The following EPM2A variants were observed in gnomAD, a reference collection of about 807,000 sequenced individuals.
EPM2A encodes EPM2A glucan phosphatase, laforin, also known as laforin.
EPM2A carries 21 observed loss-of-function variants against 26.5 expected under a neutral mutation model. The observed-to-expected ratio is 0.79, with a 90% confidence interval of 0.56 to 1.14. The LOEUF is 1.14. Ranked by LOEUF, EPM2A falls within the 50% of genes most tolerant of loss-of-function variation. EPM2A has a pLI of 0.00. For synonymous variants in EPM2A, 217 were observed against 177.6 expected (o/e 1.22, Z -1.76); for missense variants, 458 against 440.8 (o/e 1.04, Z -0.35).
At chr6:145,456,358 A>G (rs4566900) in intron 4 of EPM2A, among the ~76,000 whole-genome samples, 1,656 of 152,328 alleles carry the variant, frequency 0.011, 22 homozygotes, top group African/African-American at 0.038. Context: ...GAATGAAAAG[A>G]CGTTTGCATG....
chr6:145,462,492 G>A (rs1016383724), intron 4 of EPM2A, among the ~76,000 whole-genome samples: 59 of 152,206 alleles, frequency 3.9e-4, no homozygotes, highest in Middle Eastern at 3.4e-3. Context: ...TTACTTATCC[G>A]TAAGCATTTT....
intron 4 of EPM2A, among the ~76,000 whole-genome samples, chr6:145,432,347 G>T (rs1449098166): frequency 6.6e-6 from 1 of 152,128 alleles, no homozygotes; most frequent in Non-Finnish European, 1.5e-5. Context: ...ATTTCTTAAA[G>T]AATATAACTT....
chr6:145,659,351 C>T (rs1290539023), intron 2 of EPM2A, among the ~76,000 whole-genome samples: 5 of 152,054 alleles, frequency 3.3e-5, no homozygotes, highest in African/African-American at 1.2e-4. Context: ...ATATAAAGCA[C>T]AATTTTGAGG....
chr6:145,587,287 A>G (rs571568552), intron 2 of EPM2A, among the ~76,000 whole-genome samples: 1 of 152,314 alleles, frequency 6.6e-6, no homozygotes, highest in East Asian at 1.9e-4. Flanking sequence ...AAGTAAACCA[A>G]AAACATGTTT....
chr6:145,616,980 G>A (rs769270564), intron 2 of EPM2A, among the ~76,000 whole-genome samples: 3 of 152,196 alleles, frequency 2.0e-5, no homozygotes, highest in Non-Finnish European at 4.4e-5. Context: ...GCTGAAATGA[G>A]TTGAGACTTT....
intron 1 of EPM2A, among the ~76,000 whole-genome samples, chr6:145,711,302 C>T (rs553310407): frequency 7.1e-4 from 108 of 152,162 alleles, no homozygotes; most frequent in African/African-American, 2.3e-3. Context: ...CTCATTATAC[C>T]GCAGGAGCTT....
intron 4 of EPM2A, among the ~76,000 whole-genome samples, chr6:145,451,385 A>G (rs918500421): frequency 3.3e-5 from 5 of 152,166 alleles, no homozygotes; most frequent in Non-Finnish European, 7.4e-5. Flanking sequence ...AGATAAAACA[A>G]TGGATTTTAC....
At chr6:145,621,180 G>A (rs916961580), downstream of EPM2A, among the ~76,000 whole-genome samples, 12 of 152,134 alleles carry the variant, frequency 7.9e-5, no homozygotes, top group African/African-American at 2.7e-4. Context: ...ACATATAAAT[G>A]AGATTATGAA....
intron 1 of EPM2A, among the ~76,000 whole-genome samples, chr6:145,719,541 G>T (rs1014863205): frequency 6.6e-5 from 10 of 151,926 alleles, no homozygotes; most frequent in Non-Finnish European, 1.5e-4. Flanking sequence ...GTTAGTGGGT[G>T]CAGCACACCA....
intron 2 of EPM2A, among the ~76,000 whole-genome samples, chr6:145,509,508 C>A (rs921255506): frequency 6.6e-6 from 1 of 152,076 alleles, no homozygotes; most frequent in East Asian, 1.9e-4. Flanking sequence ...AAACAAAGTA[C>A]AAATAAAGTC....
At position 145,627,607 on chromosome 6, in the gene EPM2A, C is replaced by A. The variant is rs781726269; in HGVS notation, c.805G>T (p.Gly269Trp). 1 of 1,614,240 alleles carries A rather than the reference C, an allele frequency of 6.2e-7. No homozygotes were observed. The highest frequency in any genetic ancestry group is 8.5e-7 in the Non-Finnish European group (1 of 1,180,052). Reference sequence around the variant, plus strand: ...ACAGCCGCGGTGGAGCGGCCCACCCCAGCGTTGCAGTGCACGTACACGATG... The same window carrying A: ...ACAGCCGCGGTGGAGCGGCCCACCCAAGCGTTGCAGTGCACGTACACGATG... ...GHIVYVHCNA[G>W]VGRSTAAVCG... The change falls in exon 4 of 4, where the codon GGG (glycine) becomes TGG (tryptophan). Residue 269 changes from glycine to tryptophan, a missense_variant. Coordinates refer to ENST00000367519, the MANE Select transcript of EPM2A (RefSeq NM_005670.4).
At chr6:145,701,131 C>T (rs750414998) in intron 1 of EPM2A, among the ~76,000 whole-genome samples, 1 of 152,100 alleles carries the variant, frequency 6.6e-6, no homozygotes, top group Non-Finnish European at 1.5e-5. Context: ...GTAATCCTGG[C>T]AATTAGATTA....
At chr6:145,698,817 T>C (rs1350782352) in intron 1 of EPM2A, among the ~76,000 whole-genome samples, 2 of 152,072 alleles carry the variant, frequency 1.3e-5, no homozygotes, top group Admixed American at 6.6e-5. Flanking sequence ...GAAGTCCTAA[T>C]GCCATTACAC....
At chr6:145,428,533 A>G (rs1201550619) in intron 4 of EPM2A, among the ~76,000 whole-genome samples, 2 of 152,216 alleles carry the variant, frequency 1.3e-5, no homozygotes, top group African/African-American at 4.8e-5. Context: ...TAGGAGAATC[A>G]TCATCATAAT....
intron 2 of EPM2A, among the ~76,000 whole-genome samples, chr6:145,610,404 A>G (rs1297554155): frequency 6.6e-6 from 1 of 152,192 alleles, no homozygotes; most frequent in African/African-American, 2.4e-5. Flanking sequence ...TCTGCCCTCT[A>G]AAGCAAAAAG....
chr6:145,596,877 C>CTTTTT (rs869211299), intron 2 of EPM2A, among the ~76,000 whole-genome samples: 3 of 73,526 alleles, frequency 4.1e-5, no homozygotes, highest in African/African-American at 5.9e-5. Flanking sequence ...TCTCCGAGAT[C>CTTTTT]TTTTTTTTTT....
intron 4 of EPM2A, among the ~76,000 whole-genome samples, chr6:145,426,048 T>C (rs1387801011): frequency 1.3e-5 from 2 of 152,218 alleles, no homozygotes; most frequent in East Asian, 1.9e-4. Context: ...GAATAAACTT[T>C]GTAAAAATAT....
intron 4 of EPM2A, among the ~76,000 whole-genome samples, chr6:145,442,325 C>T (rs1194274049): frequency 3.3e-5 from 5 of 152,112 alleles, no homozygotes; most frequent in South Asian, 2.1e-4. Flanking sequence ...TTGTATTAGT[C>T]CATTTTCACA....
chr6:145,735,513 G>A lies in EPM2A; in HGVS notation c.-15C>T. ...CGGAAGCGCATGGCGGGCGGCGGCG[G>A]CGCGAATACCCGGGCCCGGAGTCCC... On this transcript the variant is annotated 5_prime_UTR_variant, in exon 1 of 4. Coordinates refer to ENST00000367519, the MANE Select transcript of EPM2A (RefSeq NM_005670.4). The A allele has an allele frequency of 2.5e-6, 3 of 1,183,270 alleles. No individual in the cohort carries two copies. Among genetic ancestry groups the A allele is most frequent in the South Asian group, 4.0e-5 (1 of 24,838 alleles). 73.3% of individuals were successfully genotyped at this position (1,183,270 alleles called of 1,614,324 possible).
Sources: allele counts gnomAD v4.1 joint callset (sites outside exome capture counted in the v4.1 genomes callset), GRCh38; gene constraint gnomAD v4.1.1; transcripts MANE v1.5; gene names NCBI Gene and HGNC (gene_info 2026-07-23, HGNC 2026-07-21).